Variants in CUEDC1 observed in about 807,000 individuals in gnomAD.
CUEDC1 encodes CUE domain-containing protein 1.
In CUEDC1, 30 loss-of-function variants were observed where a neutral mutation model predicts 43.7. That is an observed-to-expected ratio of 0.69 (90% confidence interval 0.51 to 0.93). The LOEUF (loss-of-function observed/expected upper bound fraction) is 0.93. CUEDC1 is among the 40% of genes least tolerant of loss of function. The pLI, the probability that CUEDC1 is intolerant of heterozygous loss-of-function variation, is 0.00. For missense variants in CUEDC1, 486 were observed against 549.0 expected (o/e 0.89, Z 1.15); for synonymous variants, 223 against 223.6 (o/e 1.00, Z 0.02).
chr17:57,950,826 C>T (rs1430730315), intron 1 of CUEDC1, among the ~76,000 whole-genome samples: 1 of 152,214 alleles, frequency 6.6e-6, no homozygotes, highest in African/African-American at 2.4e-5. Context: ...GACTAGGTTC[C>T]CTTCCTCCAG....
chr17:57,946,883 C>T (rs1006016570), intron 1 of CUEDC1, among the ~76,000 whole-genome samples: 1 of 152,136 alleles, frequency 6.6e-6, no homozygotes, highest in South Asian at 2.1e-4. Flanking sequence ...CCATCTCGGA[C>T]GCATCTTCTT....
chr17:57,887,652 T>TG (rs1165174819), intron 1 of CUEDC1, among the ~76,000 whole-genome samples: 8 of 116,788 alleles, frequency 6.9e-5, no homozygotes, highest in Non-Finnish European at 1.4e-4. Flanking sequence ...CCACCACGCC[T>TG]GGCTTTTTTT....
chr17:57,906,212 A>C (rs1025066998), intron 1 of CUEDC1, among the ~76,000 whole-genome samples: 1 of 152,270 alleles, frequency 6.6e-6, no homozygotes, highest in African/African-American at 2.4e-5. Flanking sequence ...AGTGTCCATC[A>C]ATAGATAAAT....
intron 1 of CUEDC1, among the ~76,000 whole-genome samples, chr17:57,944,135 T>C (rs1365482276): frequency 6.6e-6 from 1 of 151,942 alleles, no homozygotes; most frequent in Non-Finnish European, 1.5e-5. Flanking sequence ...CCAAGATGCT[T>C]AGAAAGCTTA....
chr17:57,935,486 G>A (rs909812524), intron 1 of CUEDC1, among the ~76,000 whole-genome samples: 1 of 151,964 alleles, frequency 6.6e-6, no homozygotes, highest in East Asian at 1.9e-4. Flanking sequence ...CCAGAAGCAG[G>A]AGCTTTAGAA....
In CUEDC1 at chr17:57,954,414, G is replaced by A. The variant is rs918144738; in HGVS notation, c.-316+811C>T. Among the ~76,000 whole-genome samples, 5 of 152,232 alleles carry A rather than the reference G, an allele frequency of 3.3e-5. No individual in the cohort carries two copies. Among genetic ancestry groups the A allele is most frequent in the Non-Finnish European group, 7.3e-5 (5 of 68,046 alleles). On this transcript the variant is annotated intron_variant, in intron 1 of 10. Transcript: ENST00000577830. The surrounding 1 kb of genome is among the most constrained non-coding windows in gnomAD (Gnocchi z 4.3). ...TCCGTCTCAGGAATTTAATTTCAGT[G>A]TACGTTTCTTAGAGCTAAAACTTTT...
At chr17:57,871,161 A>C (rs2074029092) in intron 6 of CUEDC1, 125 bp downstream of exon 6, 1 of 757,292 alleles carries the variant, frequency 1.3e-6, no homozygotes, top group Non-Finnish European at 2.4e-6. Context: ...CCTGCTGAGG[A>C]GGCCCAGGCC....
intron 1 of CUEDC1, among the ~76,000 whole-genome samples, chr17:57,935,416 C>A (rs12944457): frequency 1.5e-5 from 2 of 136,584 alleles, no homozygotes; most frequent in Admixed American, 7.3e-5. Flanking sequence ...AACACACACA[C>A]ACACACCCTG....
chr17:57,915,527 A>G (rs1219488821), intron 1 of CUEDC1, among the ~76,000 whole-genome samples: 1 of 152,100 alleles, frequency 6.6e-6, no homozygotes, highest in Non-Finnish European at 1.5e-5. Context: ...GTCATCAATG[A>G]GGTTAATGTG....
chr17:57,943,449 C>G, intron 1 of CUEDC1, among the ~76,000 whole-genome samples: 1 of 152,160 alleles, frequency 6.6e-6, no homozygotes, highest in South Asian at 2.1e-4. Context: ...CAAACATAAG[C>G]CACGCTGTGG....
chr17:57,869,104 G>T lies in CUEDC1; in HGVS notation c.940+18C>A, dbSNP rs1423189680. 1 of 1,613,000 alleles carries T rather than the reference G, an allele frequency of 6.2e-7. No homozygotes were observed. The highest frequency in any genetic ancestry group is 1.7e-5 in the Admixed American group (1 of 59,944). Reference sequence around the variant, plus strand: ...TCAGAAAAGCTGGGGAGGGAAGCGGGGCCTGAGTGGGACTCACACTTTCCC... The same window carrying T: ...TCAGAAAAGCTGGGGAGGGAAGCGGTGCCTGAGTGGGACTCACACTTTCCC... On this transcript the variant is annotated intron_variant, in intron 7 of 10. Coordinates refer to ENST00000577830, the MANE Select transcript of CUEDC1 (RefSeq NM_001271875.2).
chr17:57,937,783 G>A (rs898551701), intron 1 of CUEDC1, among the ~76,000 whole-genome samples: 3 of 151,920 alleles, frequency 2.0e-5, no homozygotes, highest in African/African-American at 7.3e-5. Flanking sequence ...GTGAGTGCCT[G>A]TAGTCCCAGC....
chr17:57,870,679 CTTTTTTTT>C (rs35465474), intron 6 of CUEDC1, among the ~76,000 whole-genome samples: 1 of 145,068 alleles, frequency 6.9e-6, no homozygotes, highest in East Asian at 2.0e-4. Context: ...TCCTTTTCTT[CTTTTTTTT>C]TTTTTTGGAG....
rs1454283965 is a variant in CUEDC1, at chr17:57,868,564, C to G, written c.941-321G>C. 13 of 394,454 alleles carry G rather than the reference C, an allele frequency of 3.3e-5. No individual in the cohort carries two copies. The East Asian group carries it at 6.3e-4, about 19-fold the overall frequency. The allele number at this position is 394,454 out of a possible 1,614,324, so 24.4% of individuals were successfully genotyped here. A position where few individuals can be genotyped will look rare whatever the true frequency, so the allele number is the denominator to read the frequency against. ...ACACACTGCAACGCATCTTGGCTCG[C>G]TTTCCCGCCGCCACCGCCTTCCCGC... is the stretch of plus-strand genomic sequence containing the variant. On this transcript the variant is annotated intron_variant, in intron 7 of 10. Transcript: ENST00000577830.
chr17:57,952,803 G>A (rs1227186629), intron 1 of CUEDC1, among the ~76,000 whole-genome samples: 3 of 152,168 alleles, frequency 2.0e-5, no homozygotes, highest in African/African-American at 7.2e-5. Flanking sequence ...TCTCTGTGGG[G>A]GACTTGAGCC....
rs939234840 is a variant in CUEDC1 at position 57,952,169 on chromosome 17, G to A, written c.-316+3056C>T. The stretch of plus-strand genomic sequence containing the variant: ...AAGTCAAGGACCACTGGACCACAGC[G>A]CTTTAGGGTCTCCAATGCCCTTCAT... On this transcript the variant is annotated intron_variant, in intron 1 of 10. Transcript: ENST00000577830. 3.9e-5 allele frequency among the ~76,000 whole-genome samples: 6 copies of A among 151,916 alleles called. No homozygotes were observed. In the East Asian group the frequency reaches 9.6e-4, roughly 24 times the overall value.
At chr17:57,936,258 C>A (rs2074860963) in intron 1 of CUEDC1, among the ~76,000 whole-genome samples, 1 of 152,188 alleles carries the variant, frequency 6.6e-6, no homozygotes, top group African/African-American at 2.4e-5. Context: ...ACAAGCCTGG[C>A]CAGGGAAGCT....
chr17:57,936,414 C>T (rs773246944), intron 1 of CUEDC1, among the ~76,000 whole-genome samples: 17 of 152,300 alleles, frequency 1.1e-4, no homozygotes, highest in Middle Eastern at 6.8e-3. Context: ...TCCACAGTTT[C>T]GCAATGGAAG....
chr17:57,872,366 C>T (rs920645247), intron 5 of CUEDC1, among the ~76,000 whole-genome samples: 1 of 152,260 alleles, frequency 6.6e-6, no homozygotes, highest in Non-Finnish European at 1.5e-5. Flanking sequence ...CTCCCTGCTG[C>T]CTTGTGCCAA....
Sources: allele counts gnomAD v4.1 joint callset (sites outside exome capture counted in the v4.1 genomes callset), GRCh38; gene constraint gnomAD v4.1.1; non-coding constraint Gnocchi (gnomAD v3.1); transcripts MANE v1.5; gene names NCBI Gene and HGNC (gene_info 2026-07-23, HGNC 2026-07-21).